The following MAP2 variants were observed in gnomAD, a reference collection of about 807,000 sequenced individuals.
The protein encoded by MAP2 is microtubule associated protein 2.
Under a neutral mutation model 137.6 loss-of-function variants are expected in MAP2, and 14 were observed. The ratio of observed to expected loss-of-function variants is 0.10; its 90% CI spans 0.07 to 0.16. The LOEUF (loss-of-function observed/expected upper bound fraction) is 0.16. Ranked by LOEUF, MAP2 falls within the 10% of genes least tolerant of loss-of-function variation. MAP2 has a pLI of 1.00. For missense variants in MAP2, 2,088 were observed against 2,191.5 expected, an observed-to-expected ratio of 0.95 and a Z score of 0.94; for synonymous variants, 786 against 782.3, an observed-to-expected ratio of 1.00 and a Z score of -0.08.
At chr2:209,504,033 T>C (rs2060720633) in intron 1 of MAP2, among the ~76,000 whole-genome samples, 1 of 151,098 alleles carries the variant, frequency 6.6e-6, no homozygotes, top group East Asian at 1.9e-4. Context: ...GAGGTGGAGG[T>C]TGCAGTGAGC....
At chr2:209,492,791 AC>A (rs2059284054) in intron 1 of MAP2, among the ~76,000 whole-genome samples, 1 of 152,216 alleles carries the variant, frequency 6.6e-6, no homozygotes, top group South Asian at 2.1e-4. Context: ...ATAGGAGAGG[AC>A]ACACACAAAT....
intron 2 of MAP2, among the ~76,000 whole-genome samples, chr2:209,523,637 A>T (rs746319633): frequency 5.3e-5 from 8 of 152,136 alleles, no homozygotes; most frequent in African/African-American, 1.9e-4. Context: ...TGCAATATTT[A>T]CTTTTAAGGA....
At chr2:209,634,845 A>C (rs572613792) in intron 4 of MAP2, among the ~76,000 whole-genome samples, 52 of 152,160 alleles carry the variant, frequency 3.4e-4, no homozygotes, top group Non-Finnish European at 6.3e-4. Context: ...TAAATACACT[A>C]GTTTATCGAA....
intron 2 of MAP2, among the ~76,000 whole-genome samples, chr2:209,523,048 T>C (rs2063507268): frequency 6.6e-6 from 1 of 152,200 alleles, no homozygotes; most frequent in Admixed American, 6.5e-5. Flanking sequence ...CTTAAATTAG[T>C]TAAGTCAGTA....
chr2:209,534,527 A>G (rs537561369), intron 2 of MAP2, among the ~76,000 whole-genome samples: 7 of 152,344 alleles, frequency 4.6e-5, no homozygotes, highest in African/African-American at 1.2e-4. Context: ...TTATTGTACC[A>G]AGGTAGCATT....
chr2:209,471,980 T>G (rs1016125565), intron 1 of MAP2, among the ~76,000 whole-genome samples: 4 of 152,190 alleles, frequency 2.6e-5, no homozygotes, highest in African/African-American at 9.6e-5. Context: ...AATTTTGCTA[T>G]TCTCCCCACC....
At chr2:209,517,102 T>A (rs2150344757) in intron 2 of MAP2, among the ~76,000 whole-genome samples, 1 of 152,220 alleles carries the variant, frequency 6.6e-6, no homozygotes, top group Non-Finnish European at 1.5e-5. Context: ...CCACAGGGTA[T>A]TTACCAAGTT....
intron 5 of MAP2, among the ~76,000 whole-genome samples, chr2:209,662,967 T>C (rs1049724658): frequency 6.6e-5 from 10 of 152,092 alleles, no homozygotes; most frequent in South Asian, 4.1e-4. Context: ...TATATATATA[T>C]ACACACATAT....
intron 1 of MAP2, among the ~76,000 whole-genome samples, chr2:209,450,734 G>GTAGC (rs879549593): frequency 6.6e-6 from 1 of 152,134 alleles, no homozygotes; most frequent in African/African-American, 2.4e-5. Context: ...ATTAAGGACT[G>GTAGC]TAGCTCATTG....
chr2:209,441,116 G>C (rs1697654111), intron 1 of MAP2, among the ~76,000 whole-genome samples: 1 of 151,438 alleles, frequency 6.6e-6, no homozygotes. Flanking sequence ...AGTAATCAGA[G>C]CTGTTGGAAA....
chr2:209,644,465 C>G (rs2094266254), intron 4 of MAP2, among the ~76,000 whole-genome samples: 1 of 152,002 alleles, frequency 6.6e-6, no homozygotes, highest in Non-Finnish European at 1.5e-5. Flanking sequence ...CAAAACTATT[C>G]CCCTCTTAAC....
chr2:209,601,727 T>C (rs776155005), intron 3 of MAP2, among the ~76,000 whole-genome samples: 44 of 152,130 alleles, frequency 2.9e-4, no homozygotes, highest in South Asian at 8.3e-4. Context: ...TCTTGGGAGG[T>C]TGAATCACAT....
chr2:209,544,371 C>A (rs1279125447), intron 2 of MAP2, among the ~76,000 whole-genome samples: 1 of 152,068 alleles, frequency 6.6e-6, no homozygotes, highest in Non-Finnish European at 1.5e-5. Context: ...TGGGAGAAAT[C>A]TTTTTGCAGT....
At chr2:209,567,896 G>C (rs2153366390) in intron 2 of MAP2, among the ~76,000 whole-genome samples, 1 of 152,102 alleles carries the variant, frequency 6.6e-6, no homozygotes, top group East Asian at 1.9e-4. Context: ...TGAAGTTTTA[G>C]TAGAAATAGA....
rs79211162 is a variant in MAP2, at chr2:209,582,410, A to C, written c.-107+2310A>C. On this transcript the variant is annotated intron_variant, in intron 3 of 15. Transcript: ENST00000682079. ...AAGAATTCTTGAAATGTCCCCTTTC[A>C]CTTTCATCAGCTGGGGGAAATATGC... 9.0e-3 allele frequency among the ~76,000 whole-genome samples: 1,370 copies of C among 152,206 alleles called. 6 individuals are homozygous for C. The highest frequency in any genetic ancestry group is 0.015 in the Non-Finnish European group (1,043 of 67,996).
intron 11 of MAP2, among the ~76,000 whole-genome samples, chr2:209,703,737 A>C (rs1449839229): frequency 6.6e-6 from 1 of 152,012 alleles, no homozygotes; most frequent in African/African-American, 2.4e-5. Flanking sequence ...TAATTCCTTC[A>C]TATCTAAGCA....
intron 13 of MAP2, among the ~76,000 whole-genome samples, chr2:209,723,358 C>A (rs73074724): frequency 6.6e-6 from 1 of 152,140 alleles, no homozygotes; most frequent in Admixed American, 6.5e-5. Flanking sequence ...CCAGATCATA[C>A]CTAAGTACAG....
intron 7 of MAP2, among the ~76,000 whole-genome samples, chr2:209,689,219 T>A (rs1026580268): frequency 2.6e-5 from 4 of 152,114 alleles, no homozygotes; most frequent in African/African-American, 9.6e-5. Context: ...GAATTTAAAT[T>A]TTTAAAATGC....
At chr2:209,584,885 T>C (rs1017772119) in intron 3 of MAP2, among the ~76,000 whole-genome samples, 5 of 152,082 alleles carry the variant, frequency 3.3e-5, no homozygotes, top group African/African-American at 1.2e-4. Context: ...ATCTGATAAC[T>C]GAAAAAAGCA....
Sources: allele counts gnomAD v4.1 joint callset (sites outside exome capture counted in the v4.1 genomes callset), GRCh38; gene constraint gnomAD v4.1.1; transcripts MANE v1.5; gene names NCBI Gene and HGNC (gene_info 2026-07-23, HGNC 2026-07-21).